The following ADAMTS18 variants were observed in gnomAD, a reference collection of about 807,000 sequenced individuals.
ADAMTS18 encodes ADAM metallopeptidase with thrombospondin type 1 motif 18, also known as A disintegrin and metalloproteinase with thrombospondin motifs 18.
Under a neutral mutation model 165.9 loss-of-function variants are expected in ADAMTS18, and 157 were observed. The ratio of observed to expected loss-of-function variants is 0.95; its 90% CI spans 0.83 to 1.08. ADAMTS18 has a LOEUF of 1.08. ADAMTS18 is among the 50% of genes least tolerant of loss of function. The pLI is 0.00. For synonymous variants in ADAMTS18, 782 were observed against 578.2 expected (o/e 1.35, Z -5.06); for missense variants, 2,040 against 1,534.0 (o/e 1.33, Z -5.51).
In ADAMTS18 at chr16:77,319,718, C is replaced by T. The variant is rs1375611551; in HGVS notation, c.2532+131G>A. The T allele has an allele frequency of 6.8e-6, 10 of 1,464,642 alleles. No homozygotes were observed. The East Asian group carries it at 1.6e-4, about 23-fold the overall frequency. 90.7% of individuals were successfully genotyped at this position (1,464,642 alleles called of 1,614,324 possible). On this transcript the variant is annotated intron_variant, in intron 16 of 22. Transcript: ENST00000282849. ...TCAGCCTCCCAAAGTGCTGGGATTA[C>T]AGGCATGAGCCACCATGCCCGGCCA...
chr16:77,387,485 TACAC>T (rs1235071533), intron 3 of ADAMTS18, among the ~76,000 whole-genome samples: 3 of 152,158 alleles, frequency 2.0e-5, no homozygotes, highest in African/African-American at 7.2e-5. Context: ...TACTCAAGAG[TACAC>T]ACACAGAGGA....
At chr16:77,308,175 C>T (rs1178349114) in intron 16 of ADAMTS18, among the ~76,000 whole-genome samples, 1 of 152,028 alleles carries the variant, frequency 6.6e-6, no homozygotes, top group Non-Finnish European at 1.5e-5. Context: ...AAAAAAATTC[C>T]TAACATAAAC....
At chr16:77,400,220 C>G (rs10153078) in intron 3 of ADAMTS18, among the ~76,000 whole-genome samples, 38,763 of 152,002 alleles carry the variant, frequency 0.26, 5,041 homozygotes, top group African/African-American at 0.27. Context: ...ACAGTTCAGG[C>G]TAAGCTCAGC....
intron 8 of ADAMTS18, among the ~76,000 whole-genome samples, chr16:77,358,099 TAGTG>T (rs1199207796): frequency 6.6e-5 from 10 of 152,358 alleles, no homozygotes; most frequent in African/African-American, 2.4e-4. Context: ...GCATTGTTCT[TAGTG>T]AGCATTTTCG....
At chr16:77,315,300 G>T (rs1231141659) in intron 16 of ADAMTS18, among the ~76,000 whole-genome samples, 2 of 152,134 alleles carry the variant, frequency 1.3e-5, no homozygotes, top group African/African-American at 4.8e-5. Flanking sequence ...TCCACAGAGG[G>T]TCTCAAATGT....
At chr16:77,408,737 C>T (rs964084206) in intron 3 of ADAMTS18, among the ~76,000 whole-genome samples, 2 of 152,084 alleles carry the variant, frequency 1.3e-5, no homozygotes, top group African/African-American at 4.8e-5. Flanking sequence ...TGAGTGAAGG[C>T]TTTTGCAATG....
At chr16:77,317,484 C>T (rs2144631535) in intron 16 of ADAMTS18, among the ~76,000 whole-genome samples, 1 of 152,308 alleles carries the variant, frequency 6.6e-6, no homozygotes, top group Middle Eastern at 3.4e-3. Context: ...CAGGCATGCG[C>T]CACCACACCC....
chr16:77,355,795 C>T, intron 9 of ADAMTS18, 145 bp downstream of exon 9: 1 of 1,003,096 alleles, frequency 1.0e-6, no homozygotes, highest in Non-Finnish European at 1.6e-6. Context: ...GTCATCATCA[C>T]CATCATCATT....
rs765013062 is a variant in ADAMTS18, at chr16:77,297,171, G to A, written c.2801+118C>T. On this transcript the variant is annotated intron_variant, in intron 18 of 22. Coordinates refer to ENST00000282849, the MANE Select transcript of ADAMTS18 (RefSeq NM_199355.4). The stretch of plus-strand genomic sequence containing the variant: ...CTTCTATTACTTTTTAAAGTATTGC[G>A]TCTACCTTTGAATCACTTTCCATTA... The A allele has an allele frequency of 1.7e-4, 239 of 1,428,946 alleles. 1 individual carries two copies. Among genetic ancestry groups the A allele is most frequent in the Non-Finnish European group, 2.2e-4 (229 of 1,019,442 alleles). The allele number at this position is 1,428,946 out of a possible 1,614,324, so 88.5% of individuals were successfully genotyped here. A position where few individuals can be genotyped will look rare whatever the true frequency, so the allele number is the denominator to read the frequency against.
At chr16:77,307,648 C>T (rs1289771093) in intron 16 of ADAMTS18, among the ~76,000 whole-genome samples, 2 of 152,204 alleles carry the variant, frequency 1.3e-5, no homozygotes, top group African/African-American at 2.4e-5. Flanking sequence ...GCAAAAGTAC[C>T]TCTGAATCGT....
Position 77,319,886 on chromosome 16 carries a change from T to C in ADAMTS18, c.2495A>G (p.Tyr832Cys). 6.2e-7 allele frequency: 1 copy of C among 1,614,168 alleles called. No homozygotes were observed. The highest frequency in any genetic ancestry group is 8.5e-7 in the Non-Finnish European group (1 of 1,180,026). The change falls in exon 16 of 23, where the codon TAC becomes TGC. Residue 832 changes from tyrosine to cysteine, a missense_variant. By Grantham distance (194) the Tyr-to-Cys change is radical. Coordinates refer to ENST00000282849, the MANE Select transcript of ADAMTS18 (RefSeq NM_199355.4). The stretch of plus-strand genomic sequence containing the variant: ...CGTCTCATTTGTGGGCCCTGGCGCG[T>C]ACAGACGTTCCGGGCGGTTGAAAGA... ...QRSFNRPERL[Y>C]APGPTNETLV...
intron 16 of ADAMTS18, among the ~76,000 whole-genome samples, chr16:77,300,697 C>T (rs1385344220): frequency 6.6e-6 from 1 of 152,152 alleles, no homozygotes; most frequent in Non-Finnish European, 1.5e-5. Context: ...CACACACACA[C>T]TCACACACAT....
chr16:77,352,890 C>T (rs1440101340), intron 10 of ADAMTS18, among the ~76,000 whole-genome samples: 9 of 151,848 alleles, frequency 5.9e-5, no homozygotes, highest in Admixed American at 2.0e-4. Flanking sequence ...TGGGAGATCA[C>T]GAGGTCAGGA....
intron 3 of ADAMTS18, among the ~76,000 whole-genome samples, chr16:77,387,541 A>T (rs2057126467): frequency 6.6e-6 from 1 of 152,186 alleles, no homozygotes; most frequent in Admixed American, 6.5e-5. Flanking sequence ...CCTTCACTGC[A>T]AATTACTCCA....
rs183383353 is a variant in ADAMTS18 at position 77,394,486 on chromosome 16, G to A, written c.496-26763C>T. Reference sequence around the variant, plus strand: ...AATGTTAGTTATTAGTGTTAATGGAGAAGAAAGTTTTCAGGGAAAGCAAAA... The same window carrying A: ...AATGTTAGTTATTAGTGTTAATGGAAAAGAAAGTTTTCAGGGAAAGCAAAA... On this transcript the variant is annotated intron_variant, in intron 3 of 22. Coordinates refer to ENST00000282849, the MANE Select transcript of ADAMTS18 (RefSeq NM_199355.4). Among the ~76,000 whole-genome samples the A allele has an allele frequency of 1.0e-3, 158 of 152,142 alleles. 4 individuals carry two copies. Among genetic ancestry groups the A allele is most frequent in the Non-Finnish European group, 4.1e-4 (28 of 68,000 alleles).
At chr16:77,426,135 G>C (rs576328136) in intron 3 of ADAMTS18, among the ~76,000 whole-genome samples, 2 of 152,242 alleles carry the variant, frequency 1.3e-5, no homozygotes, top group African/African-American at 4.8e-5. Context: ...ATGCATATTA[G>C]TGTATTAAAA....
At chr16:77,335,384 A>G (rs1348113172) in intron 12 of ADAMTS18, among the ~76,000 whole-genome samples, 1 of 152,016 alleles carries the variant, frequency 6.6e-6, no homozygotes, top group East Asian at 1.9e-4. Flanking sequence ...AATGGGTACA[A>G]AAATATAGTT....
intron 22 of ADAMTS18, among the ~76,000 whole-genome samples, chr16:77,285,212 G>A (rs1020180107): frequency 6.6e-6 from 1 of 152,080 alleles, no homozygotes; most frequent in East Asian, 1.9e-4. Context: ...TGCTCTTGTT[G>A]CCCAGGCTGG....
chr16:77,370,197 C>T (rs1404885896), intron 3 of ADAMTS18, among the ~76,000 whole-genome samples: 3 of 152,126 alleles, frequency 2.0e-5, no homozygotes, highest in South Asian at 4.1e-4. Context: ...CCCACTTTCA[C>T]CACTTCTATT....
Sources: gnomAD v4.1 joint callset for allele counts (sites outside exome capture counted in the v4.1 genomes callset) on GRCh38, gnomAD v4.1.1 for gene constraint, MANE v1.5 for transcripts, NCBI Gene and HGNC (gene_info 2026-07-23, HGNC 2026-07-21) for gene names.